The following LRP1B variants were observed in gnomAD, a reference collection of about 807,000 sequenced individuals.
LRP1B encodes low-density lipoprotein receptor-related protein 1B.
Under a neutral mutation model 556.6 loss-of-function variants are expected in LRP1B, and 217 were observed. The ratio of observed to expected loss-of-function variants is 0.39; its 90% CI spans 0.35 to 0.44. The LOEUF is 0.44. LRP1B is among the 20% of genes least tolerant of loss of function. The pLI is 1.00. For synonymous variants in LRP1B, 2,047 were observed against 1,865.8 expected, an observed-to-expected ratio of 1.10 and a Z score of -2.50; for missense variants, 5,053 against 5,620.8, an observed-to-expected ratio of 0.90 and a Z score of 3.23.
At chr2:141,442,921 T>G (rs1356523712) in intron 3 of LRP1B, among the ~76,000 whole-genome samples, 1 of 152,178 alleles carries the variant, frequency 6.6e-6, no homozygotes, top group Non-Finnish European at 1.5e-5. Flanking sequence ...GTAGAATGAT[T>G]TATAATCTTT....
chr2:140,420,014 G>GAAA (rs76165653), intron 66 of LRP1B, among the ~76,000 whole-genome samples: 42 of 86,368 alleles, frequency 4.9e-4, no homozygotes, highest in Non-Finnish European at 4.9e-4. Flanking sequence ...TCATAAAAAA[G>GAAA]AAAAAAAAAA....
At chr2:140,303,945 T>G (rs1683953202) in intron 83 of LRP1B, among the ~76,000 whole-genome samples, 1 of 152,114 alleles carries the variant, frequency 6.6e-6, no homozygotes, top group Non-Finnish European at 1.5e-5. Context: ...TTGCTGAGAA[T>G]GATGGTTTCC....
intron 43 of LRP1B, among the ~76,000 whole-genome samples, chr2:140,594,488 A>T (rs1682354756): frequency 6.6e-6 from 1 of 152,238 alleles, no homozygotes; most frequent in African/African-American, 2.4e-5. Flanking sequence ...CAAAAGAAGG[A>T]ACACTTTTCC....
intron 1 of LRP1B, among the ~76,000 whole-genome samples, chr2:141,884,728 C>T (rs1699057037): frequency 6.6e-6 from 1 of 152,148 alleles, no homozygotes; most frequent in Non-Finnish European, 1.5e-5. Context: ...TATGAATGGG[C>T]CGATGTGGAT....
chr2:141,364,961 A>G (rs2105575516), intron 3 of LRP1B, among the ~76,000 whole-genome samples: 2 of 152,350 alleles, frequency 1.3e-5, no homozygotes, highest in East Asian at 3.9e-4. Context: ...AACATGTTCT[A>G]ATAAAGTATT....
intron 18 of LRP1B, among the ~76,000 whole-genome samples, chr2:140,953,389 C>T (rs1022128221): frequency 6.6e-6 from 1 of 152,088 alleles, no homozygotes; most frequent in African/African-American, 2.4e-5. Flanking sequence ...GCGCCTGGCC[C>T]ATATTCTTTA....
chr2:140,457,689 G>A (rs2105324575), intron 60 of LRP1B, 38 bp from the exon 61 acceptor site: 1 of 1,504,652 alleles, frequency 6.6e-7, no homozygotes, highest in Non-Finnish European at 9.2e-7. Context: ...TTCAGTCTTG[G>A]AAGACTGCCA....
intron 1 of LRP1B, among the ~76,000 whole-genome samples, chr2:142,124,435 A>C (rs935161151): frequency 6.6e-6 from 1 of 151,962 alleles, no homozygotes; most frequent in Non-Finnish European, 1.5e-5. Flanking sequence ...TATTTAAAAG[A>C]GCATTTAATC....
intron 84 of LRP1B, among the ~76,000 whole-genome samples, chr2:140,285,026 G>GTGTGTATATATATATATATATATA (rs1553439389): frequency 4.1e-5 from 6 of 144,614 alleles, no homozygotes; most frequent in African/African-American, 1.5e-4. Flanking sequence ...GTGTGTGTGT[G>GTGTGTATATATATATATATATATA]TATATATATA....
At chr2:141,515,151 A>C (rs1223985393) in intron 2 of LRP1B, among the ~76,000 whole-genome samples, 2 of 152,074 alleles carry the variant, frequency 1.3e-5, no homozygotes, top group East Asian at 3.9e-4. Context: ...AAAAATACAA[A>C]ATTAGCCCAA....
At chr2:140,373,514 T>G (rs1173388972) in intron 68 of LRP1B, among the ~76,000 whole-genome samples, 1 of 152,176 alleles carries the variant, frequency 6.6e-6, no homozygotes, top group Non-Finnish European at 1.5e-5. Flanking sequence ...TATGGCTTCA[T>G]CATACTAATT....
chr2:141,618,473 G>A (rs180913678), intron 2 of LRP1B, among the ~76,000 whole-genome samples: 3 of 152,184 alleles, frequency 2.0e-5, no homozygotes, highest in Admixed American at 2.0e-4. Context: ...GGGAAACATA[G>A]TTTCTCCCAT....
At chr2:140,960,198 C>G (rs1227005987) in intron 18 of LRP1B, among the ~76,000 whole-genome samples, 1 of 151,618 alleles carries the variant, frequency 6.6e-6, no homozygotes, top group Non-Finnish European at 1.5e-5. Flanking sequence ...AAAAGGAAAG[C>G]AAAGCACTCA....
At chr2:141,027,172 T>A (rs1698239622) in intron 11 of LRP1B, among the ~76,000 whole-genome samples, 1 of 152,136 alleles carries the variant, frequency 6.6e-6, no homozygotes, top group South Asian at 2.1e-4. Flanking sequence ...TAGAGGATGC[T>A]TTTGGTACAA....
intron 37 of LRP1B, 63 bp from the exon 38 acceptor site, chr2:140,702,616 C>A (rs1686690760): frequency 1.4e-6 from 2 of 1,479,548 alleles, no homozygotes; most frequent in Admixed American, 1.8e-5. Flanking sequence ...CAGAGCTATG[C>A]AAAAAGACAT....
In LRP1B at chr2:142,072,083, G is replaced by C. The variant is rs533039035; in HGVS notation, c.82+58565C>G. Among the ~76,000 whole-genome samples, 5 of 151,850 alleles carry C rather than the reference G, an allele frequency of 3.3e-5. No individual in the cohort carries two copies. In the South Asian group the frequency reaches 1.0e-3, roughly 32 times the overall value. Reference sequence around the variant, plus strand: ...AACACAAACTCCACACCCTAAGTATGCTGCAGATCTACTCTGATCTGTAAC... The same window carrying C: ...AACACAAACTCCACACCCTAAGTATCCTGCAGATCTACTCTGATCTGTAAC... On this transcript the variant is annotated intron_variant, in intron 1 of 90. Transcript: ENST00000389484.
At chr2:140,578,168 T>C (rs1232931390) in intron 43 of LRP1B, among the ~76,000 whole-genome samples, 2 of 152,168 alleles carry the variant, frequency 1.3e-5, no homozygotes, top group Non-Finnish European at 2.9e-5. Context: ...CCCAATTTTA[T>C]AGAGAAAAGC....
At chr2:141,267,888 A>C (rs952944439) in intron 3 of LRP1B, among the ~76,000 whole-genome samples, 31 of 152,210 alleles carry the variant, frequency 2.0e-4, no homozygotes, top group African/African-American at 6.0e-4. Context: ...AGGTTTGGCA[A>C]CATGAATAAT....
At chr2:140,291,298 T>TATATATATATATATATATATATA (rs1683362365) in intron 84 of LRP1B, among the ~76,000 whole-genome samples, 2 of 71,998 alleles carry the variant, frequency 2.8e-5, no homozygotes, top group Non-Finnish European at 7.3e-5. Flanking sequence ...AAATTTTATT[T>TATATATATATATATATATATATA]TATATATATA....
Sources: allele counts gnomAD v4.1 joint callset (sites outside exome capture counted in the v4.1 genomes callset), GRCh38; gene constraint gnomAD v4.1.1; transcripts MANE v1.5; gene names NCBI Gene and HGNC (gene_info 2026-07-23, HGNC 2026-07-21).